Variants in ANO2 observed in about 807,000 individuals in gnomAD.
ANO2 encodes anoctamin 2.
A neutral mutation model predicts 124.2 loss-of-function variants in ANO2; 101 were observed. The ratio of observed to expected loss-of-function variants is 0.81; its 90% CI spans 0.69 to 0.96. The LOEUF is 0.96. ANO2 is among the 40% of genes least tolerant of loss of function. The pLI is 0.00. For missense variants in ANO2, 1,293 were observed against 1,274.5 expected, an observed-to-expected ratio of 1.01 and a Z score of -0.22; for synonymous variants, 486 against 482.5, an observed-to-expected ratio of 1.01 and a Z score of -0.09.
chr12:5,828,890 G>A (rs1381580406), intron 6 of ANO2, among the ~76,000 whole-genome samples: 2 of 152,234 alleles, frequency 1.3e-5, no homozygotes, highest in Non-Finnish European at 2.9e-5. Context: ...AGCAGGCACA[G>A]AGGAGACATC....
At chr12:5,615,426 T>A in intron 16 of ANO2, 129 bp from the exon 17 acceptor site, 1 of 674,092 alleles carries the variant, frequency 1.5e-6, no homozygotes, top group South Asian at 1.9e-5. Context: ...CCCATCTCTC[T>A]GGCACATTAG....
chr12:5,578,269 C>T (rs1942535773), intron 21 of ANO2, 97 bp downstream of exon 21: 8 of 1,492,982 alleles, frequency 5.4e-6, no homozygotes, highest in African/African-American at 1.4e-5. Flanking sequence ...GAGGGGCTTT[C>T]CCAGCCCTCT....
intron 14 of ANO2, among the ~76,000 whole-genome samples, chr12:5,707,810 G>A (rs1442668993): frequency 2.0e-5 from 3 of 152,164 alleles, no homozygotes; most frequent in Non-Finnish European, 4.4e-5. Context: ...TCTGACGTTG[G>A]TAAACTGTCT....
At chr12:5,711,506 G>A (rs1194572135) in intron 14 of ANO2, among the ~76,000 whole-genome samples, 1 of 152,180 alleles carries the variant, frequency 6.6e-6, no homozygotes, top group Non-Finnish European at 1.5e-5. Context: ...CCCGGTCTCA[G>A]ATATTCCTGT....
chr12:5,899,188 G>C (rs1591761332), intron 3 of ANO2, among the ~76,000 whole-genome samples: 1 of 152,310 alleles, frequency 6.6e-6, no homozygotes, highest in East Asian at 1.9e-4. Flanking sequence ...TTCCAGCTTA[G>C]AGGACTGGCA....
chr12:5,645,653 A>G (rs1946603392), intron 15 of ANO2, among the ~76,000 whole-genome samples: 1 of 152,128 alleles, frequency 6.6e-6, no homozygotes, highest in Non-Finnish European at 1.5e-5. Flanking sequence ...GATATTTTCA[A>G]TATCTCTGGT....
chr12:5,848,959 G>A (rs1414400008), intron 4 of ANO2, among the ~76,000 whole-genome samples: 1 of 152,180 alleles, frequency 6.6e-6, no homozygotes, highest in Non-Finnish European at 1.5e-5. Flanking sequence ...CAGGCATTCA[G>A]AGAACATCAT....
rs553550558 is a variant in ANO2, at chr12:5,741,337, G to C, written c.1352-1938C>G. The stretch of plus-strand genomic sequence containing the variant: ...ACTTGCAGCTACATTATGGTGCACT[G>C]ATGTGCATGTTTTCATCTGACATGA... On this transcript the variant is annotated intron_variant, in intron 12 of 24. Coordinates refer to ENST00000682330, the MANE Select transcript of ANO2 (RefSeq NM_001364791.2). Among the ~76,000 whole-genome samples the C allele has an allele frequency of 2.0e-5, 3 of 152,306 alleles. No homozygotes were observed. The South Asian group carries it at 6.2e-4, about 32-fold the overall frequency.
intron 3 of ANO2, among the ~76,000 whole-genome samples, chr12:5,906,296 T>C (rs1940678030): frequency 6.6e-6 from 1 of 150,836 alleles, no homozygotes; most frequent in African/African-American, 2.4e-5. Context: ...CTTTGAATCA[T>C]TCAACAAACA....
intron 14 of ANO2, among the ~76,000 whole-genome samples, chr12:5,700,110 T>A (rs1949344314): frequency 6.6e-6 from 1 of 152,108 alleles, no homozygotes; most frequent in African/African-American, 2.4e-5. Context: ...TCTACAGAAC[T>A]CTCCACCCCA....
At chr12:5,848,488 G>A (rs1017587717) in intron 4 of ANO2, among the ~76,000 whole-genome samples, 1 of 152,136 alleles carries the variant, frequency 6.6e-6, no homozygotes, top group Non-Finnish European at 1.5e-5. Flanking sequence ...CAGGTTAATG[G>A]TGGCAGAGCC....
intron 1 of ANO2, among the ~76,000 whole-genome samples, chr12:5,944,779 A>G (rs951904148): frequency 6.6e-6 from 1 of 151,944 alleles, no homozygotes; most frequent in African/African-American, 2.4e-5. Context: ...TCCTCAGCGG[A>G]CCGTTGCTGA....
intron 10 of ANO2, among the ~76,000 whole-genome samples, chr12:5,776,872 T>C (rs1047868525): frequency 6.6e-6 from 1 of 152,062 alleles, no homozygotes; most frequent in Non-Finnish European, 1.5e-5. Flanking sequence ...TCTGGAGGTG[T>C]ATGGGGGCAG....
intron 3 of ANO2, among the ~76,000 whole-genome samples, chr12:5,893,280 A>G (rs1232578491): frequency 1.3e-5 from 2 of 152,188 alleles, no homozygotes; most frequent in Admixed American, 1.3e-4. Flanking sequence ...CAGCAAAACA[A>G]ATCATCAGCA....
chr12:5,895,448 T>C (rs762347800), intron 3 of ANO2, among the ~76,000 whole-genome samples: 34 of 152,086 alleles, frequency 2.2e-4, no homozygotes, highest in Non-Finnish European at 4.3e-4. Context: ...AGAGACATAC[T>C]CCATCACATA....
intron 3 of ANO2, among the ~76,000 whole-genome samples, chr12:5,898,242 TATTAAGTGTTGGTAGG>T (rs1431073465): frequency 1.3e-5 from 2 of 152,142 alleles, no homozygotes; most frequent in Non-Finnish European, 2.9e-5. Flanking sequence ...TGACTGACAA[TATTAAGTGTTGGTAGG>T]ATGTAGGGAA....
intron 1 of ANO2, among the ~76,000 whole-genome samples, chr12:5,923,968 G>C (rs149012142): frequency 4.4e-4 from 67 of 152,354 alleles, no homozygotes; most frequent in African/African-American, 1.5e-3. Flanking sequence ...CAGGATTGCA[G>C]TGAGAATGAG....
At chr12:5,837,595 C>T (rs189202917) in intron 4 of ANO2, among the ~76,000 whole-genome samples, 5 of 150,068 alleles carry the variant, frequency 3.3e-5, no homozygotes, top group East Asian at 2.0e-4. Context: ...TTTGTTCTTG[C>T]GATAGTTTAC....
intron 23 of ANO2, among the ~76,000 whole-genome samples, chr12:5,572,543 TATTTTA>T (rs2136831454): frequency 6.6e-6 from 1 of 152,326 alleles, no homozygotes; most frequent in East Asian, 1.9e-4. Flanking sequence ...ATTAAAGCTG[TATTTTA>T]ATTTTAATTC....
Sources: allele counts gnomAD v4.1 joint callset (sites outside exome capture counted in the v4.1 genomes callset), GRCh38; gene constraint gnomAD v4.1.1; transcripts MANE v1.5; gene names NCBI Gene and HGNC (gene_info 2026-07-23, HGNC 2026-07-21).